GON4L: variants seen among roughly 807,000 people sequenced by gnomAD.
GON4L encodes the protein GON-4-like protein.
Under a neutral mutation model 211.8 loss-of-function variants are expected in GON4L, and 87 were observed. The ratio of observed to expected loss-of-function variants is 0.41; its 90% confidence interval spans 0.35 to 0.49. The LOEUF is 0.49. Among genes scored for constraint, GON4L ranks in the 20% least tolerant of loss-of-function variants. GON4L has a pLI of 0.15. For synonymous variants in GON4L, 875 were observed against 962.6 expected (o/e 0.91, Z 1.68); for missense variants, 2,155 against 2,659.5 (o/e 0.81, Z 4.17).
intron 27 of GON4L, among the ~76,000 whole-genome samples, chr1:155,755,554 A>T (rs1661091451): frequency 6.6e-6 from 1 of 152,152 alleles, no homozygotes; most frequent in Non-Finnish European, 1.5e-5. Context: ...GCCTGGGGAA[A>T]TCAATAGCCC....
chr1:155,748,063 C>A (rs937201824), downstream of GON4L: 15 of 1,607,950 alleles, frequency 9.3e-6, no homozygotes, highest in African/African-American at 2.0e-4. Context: ...TGCCCCTTGT[C>A]CTTGGGTGGG....
chr1:155,845,821 G>C (rs1671182502), intron 2 of GON4L: 1 of 250,382 alleles, frequency 4.0e-6, no homozygotes. Context: ...CTTCAGCCTT[G>C]AAAACATTTG....
chr1:155,806,531 A>T (rs1482502546), intron 10 of GON4L, among the ~76,000 whole-genome samples: 1 of 152,024 alleles, frequency 6.6e-6, no homozygotes, highest in Admixed American at 6.6e-5. Context: ...GACTGGGCTC[A>T]AGTAATCCTC....
At chr1:155,838,990 T>C (rs1469719938) in intron 2 of GON4L, among the ~76,000 whole-genome samples, 1 of 152,016 alleles carries the variant, frequency 6.6e-6, no homozygotes, top group Non-Finnish European at 1.5e-5. Context: ...ATGGTTCTCA[T>C]CTATAAAATG....
downstream of GON4L, chr1:155,747,999 G>A (rs530614846): frequency 6.6e-5 from 105 of 1,599,102 alleles, no homozygotes; most frequent in African/African-American, 2.8e-4. Flanking sequence ...AACATCTATC[G>A]TCTATTAAAC....
intron 1 of GON4L, 137 bp downstream of exon 1, chr1:155,857,010 T>C (rs889229708): frequency 3.9e-5 from 6 of 152,448 alleles, no homozygotes; most frequent in African/African-American, 1.4e-4. Flanking sequence ...CATTCCCAAC[T>C]AGACACTGGA....
intron 27 of GON4L, among the ~76,000 whole-genome samples, chr1:155,755,858 A>G (rs1048826587): frequency 2.0e-5 from 3 of 152,058 alleles, no homozygotes; most frequent in Admixed American, 6.6e-5. Flanking sequence ...TATCATCCCA[A>G]TTTATGATGA....
chr1:155,754,632 G>A, intron 27 of GON4L, 144 bp from the exon 28 acceptor site: 1 of 600,290 alleles, frequency 1.7e-6, no homozygotes, highest in Non-Finnish European at 2.9e-6. Context: ...CAGGTTCAAG[G>A]GATTCTCCTG....
intron 22 of GON4L, 133 bp downstream of exon 22, chr1:155,763,179 G>T: frequency 1.4e-6 from 1 of 708,188 alleles, no homozygotes; most frequent in East Asian, 2.6e-5. Context: ...GGGGAGGGGT[G>T]TTGCAGAAGA....
intron 2 of GON4L, among the ~76,000 whole-genome samples, chr1:155,837,497 T>C (rs1045530525): frequency 3.9e-5 from 6 of 152,118 alleles, no homozygotes; most frequent in African/African-American, 1.4e-4. Context: ...GGTTCATGTC[T>C]CTCTAGGATT....
chr1:155,800,654 C>G (rs1354777620), intron 11 of GON4L, among the ~76,000 whole-genome samples: 1 of 152,002 alleles, frequency 6.6e-6, no homozygotes, highest in African/African-American at 2.4e-5. Flanking sequence ...GAGTTCGAGA[C>G]AAGCCTGGCC....
downstream of GON4L, chr1:155,749,249 T>C (rs1660376430): frequency 3.9e-6 from 6 of 1,556,166 alleles, no homozygotes; most frequent in African/African-American, 5.5e-5. Context: ...CAAAACTCTG[T>C]CTCAAAAAGA....
At chr1:155,777,312 G>A (rs1663915598) in intron 15 of GON4L, among the ~76,000 whole-genome samples, 1 of 152,208 alleles carries the variant, frequency 6.6e-6, no homozygotes, top group South Asian at 2.1e-4. Context: ...AGGGCGCAGT[G>A]GCTCACGCCT....
chr1:155,771,600 G>T (rs1372928225), intron 18 of GON4L, among the ~76,000 whole-genome samples: 2 of 152,076 alleles, frequency 1.3e-5, no homozygotes, highest in Admixed American at 6.6e-5. Context: ...ATCCTCCCAA[G>T]TATCTGTGAC....
intron 31 of GON4L, among the ~76,000 whole-genome samples, chr1:155,751,187 A>T (rs1660543824): frequency 2.0e-5 from 3 of 152,200 alleles, no homozygotes; most frequent in Admixed American, 2.0e-4. Flanking sequence ...GAAACTCAAG[A>T]GGCTAAATGT....
intron 12 of GON4L, among the ~76,000 whole-genome samples, chr1:155,787,177 T>G (rs921078449): frequency 6.6e-6 from 1 of 152,162 alleles, no homozygotes; most frequent in Non-Finnish European, 1.5e-5. Context: ...CCCAAAATGC[T>G]GGGATTACAG....
At chr1:155,768,670 C>T (rs995847869) in intron 19 of GON4L, among the ~76,000 whole-genome samples, 88 of 151,650 alleles carry the variant, frequency 5.8e-4, no homozygotes, top group Non-Finnish European at 6.5e-4. Context: ...GTCTTGAACT[C>T]CTGGGCTCAA....
In GON4L at chr1:155,754,454, G is replaced by T; in HGVS notation, c.5552C>A (p.Ala1851Asp). The T allele has an allele frequency of 6.2e-7, 1 of 1,612,220 alleles. No individual in the cohort carries two copies. ...TEWPDGAKDC[A>D]CSCHEGGPDS... ...TGGACCTCCTTCATGGCAGGAGCAG[G>T]CACAGTCCTTGGCCCCATCTGGCCA... The change falls in exon 28 of 32, where the codon GCC becomes GAC. Residue 1851 changes from alanine to aspartate, a missense_variant. Physicochemically the swap from Ala to Asp is moderately radical, Grantham distance 126. Coordinates refer to ENST00000368331, the MANE Select transcript of GON4L (RefSeq NM_001282860.2).
In GON4L at chr1:155,765,190, G is replaced by A. The variant is rs1323659878; in HGVS notation, c.4283C>T (p.Pro1428Leu). 2 of 1,614,012 alleles carry A rather than the reference G, an allele frequency of 1.2e-6. No homozygotes were observed. The highest frequency in any genetic ancestry group is 2.7e-5 in the African/African-American group (2 of 74,910). ...MDPEVRLSSP[P>L]GKPEDSSSVD... is the part of the protein sequence containing the mutation. ...ACTGGATGAATCTTCTGGCTTCCCT[G>A]GGGGGCTACTAAGCCTCACTTCAGG... is the stretch of plus-strand genomic sequence containing the variant. Residue 1428 changes from proline (P) to leucine (L), a missense_variant, in exon 21 of 32, where the codon CCA becomes CTA. Around this residue, in one of 6 missense-constraint regions of GON4L, gnomAD observed 615 missense variants for 625.7 expected, o/e 0.98. Transcript: ENST00000368331.
Sources: gnomAD v4.1 joint callset for allele counts (sites outside exome capture counted in the v4.1 genomes callset) on GRCh38, gnomAD v4.1.1 for gene constraint, gnomAD v4.1.1 regional missense constraint, MANE v1.5 for transcripts, NCBI Gene and HGNC (gene_info 2026-07-23, HGNC 2026-07-21) for gene names.